The following TRPM3 variants were observed in gnomAD, a reference collection of about 807,000 sequenced individuals.
The protein encoded by TRPM3 is long transient receptor potential channel 3.
Under a neutral mutation model 181.2 loss-of-function variants are expected in TRPM3, and 77 were observed. The ratio of observed to expected loss-of-function variants is 0.42; its 90% CI spans 0.35 to 0.51. TRPM3 has a LOEUF of 0.51. Among genes scored for constraint, TRPM3 ranks in the 20% least tolerant of loss-of-function variants. TRPM3 has a pLI of 0.01. For synonymous variants in TRPM3, 745 were observed against 796.4 expected, an observed-to-expected ratio of 0.94 and a Z score of 1.09; for missense variants, 1,759 against 2,196.7, an observed-to-expected ratio of 0.80 and a Z score of 3.98.
At chr9:71,044,596 CA>C (rs2059208676) in intron 1 of TRPM3, among the ~76,000 whole-genome samples, 2 of 152,204 alleles carry the variant, frequency 1.3e-5, no homozygotes. Flanking sequence ...CCATCTCCTA[CA>C]AAAAGTCCTA....
chr9:71,204,891 G>T (rs1279834551), intron 1 of TRPM3, among the ~76,000 whole-genome samples: 1 of 152,148 alleles, frequency 6.6e-6, no homozygotes, highest in East Asian at 1.9e-4. Context: ...CCATTTAAAA[G>T]GATGAGTTCA....
chr9:71,132,289 C>A (rs758271511), intron 1 of TRPM3, among the ~76,000 whole-genome samples: 6 of 152,168 alleles, frequency 3.9e-5, no homozygotes, highest in Admixed American at 6.5e-5. Context: ...TGCTCCATGG[C>A]CCCTTCCCTC....
intron 1 of TRPM3, among the ~76,000 whole-genome samples, chr9:71,283,953 C>T (rs2085066810): frequency 6.6e-6 from 1 of 152,198 alleles, no homozygotes; most frequent in Admixed American, 6.5e-5. Flanking sequence ...TTCCTACCGC[C>T]AGTGGGTTTC....
intron 9 of TRPM3, among the ~76,000 whole-genome samples, chr9:70,679,451 T>C (rs2064869672): frequency 6.6e-6 from 1 of 152,208 alleles, no homozygotes. Flanking sequence ...CAGTAGAAGA[T>C]ATTATAATGG....
At chr9:71,193,987 A>T (rs2078188061) in intron 1 of TRPM3, among the ~76,000 whole-genome samples, 1 of 152,020 alleles carries the variant, frequency 6.6e-6, no homozygotes, top group African/African-American at 2.4e-5. Context: ...ATGCATACAC[A>T]TATACAAATT....
At chr9:71,035,161 A>G (rs2058038992) in intron 1 of TRPM3, among the ~76,000 whole-genome samples, 1 of 152,170 alleles carries the variant, frequency 6.6e-6, no homozygotes, top group Admixed American at 6.5e-5. Context: ...TTTCGTAATT[A>G]GTAAAAACAT....
At chr9:71,300,194 T>C (rs1182425888) in intron 1 of TRPM3, among the ~76,000 whole-genome samples, 1 of 152,106 alleles carries the variant, frequency 6.6e-6, no homozygotes, top group Non-Finnish European at 1.5e-5. Flanking sequence ...AACAGTAACC[T>C]TATAAACATT....
chr9:70,631,650 T>C (rs1210654168), intron 12 of TRPM3, among the ~76,000 whole-genome samples: 1 of 152,204 alleles, frequency 6.6e-6, no homozygotes, highest in African/African-American at 2.4e-5. Context: ...TATGAGAGCA[T>C]TGGTACATTC....
chr9:71,176,859 G>A (rs1158406774), intron 1 of TRPM3, among the ~76,000 whole-genome samples: 1 of 152,104 alleles, frequency 6.6e-6, no homozygotes, highest in Non-Finnish European at 1.5e-5. Flanking sequence ...ACCCAGTACT[G>A]TAACATGCTA....
At chr9:70,774,415 A>G (rs1479864397) in intron 7 of TRPM3, 1 of 152,194 alleles carries the variant, frequency 6.6e-6, no homozygotes, top group African/African-American at 2.4e-5. Flanking sequence ...TACATGTAAC[A>G]TACAAAATGT....
chr9:70,925,915 A>G (rs2096716506), intron 1 of TRPM3, among the ~76,000 whole-genome samples: 1 of 150,908 alleles, frequency 6.6e-6, no homozygotes, highest in Non-Finnish European at 1.5e-5. Flanking sequence ...TGAAAAGAGC[A>G]TCAGTCCAGA....
chr9:71,092,470 T>C (rs974403472), intron 1 of TRPM3, among the ~76,000 whole-genome samples: 8 of 152,186 alleles, frequency 5.3e-5, no homozygotes, highest in East Asian at 1.9e-4. Flanking sequence ...TTACTAAGCA[T>C]AGATTTTTTT....
intron 1 of TRPM3, among the ~76,000 whole-genome samples, chr9:71,445,548 A>G (rs2094192489): frequency 6.6e-6 from 1 of 152,252 alleles, no homozygotes; most frequent in African/African-American, 2.4e-5. Context: ...AGCAACCAAA[A>G]TAAACACACC....
At chr9:71,214,127 G>A (rs969757762) in intron 1 of TRPM3, among the ~76,000 whole-genome samples, 3 of 152,040 alleles carry the variant, frequency 2.0e-5, no homozygotes, top group Non-Finnish European at 2.9e-5. Context: ...AGTCTTTGTT[G>A]GAGAAAAATG....
intron 1 of TRPM3, among the ~76,000 whole-genome samples, chr9:71,040,068 A>G (rs774233329): frequency 6.6e-6 from 1 of 152,200 alleles, no homozygotes; most frequent in Non-Finnish European, 1.5e-5. Flanking sequence ...TGGGAATGAG[A>G]GTTAGAGTCC....
intron 1 of TRPM3, among the ~76,000 whole-genome samples, chr9:70,958,314 A>G (rs1306697085): frequency 6.8e-6 from 1 of 147,836 alleles, no homozygotes; most frequent in Non-Finnish European, 1.5e-5. Flanking sequence ...AATAATGATT[A>G]TAATAATAAT....
intron 5 of TRPM3, among the ~76,000 whole-genome samples, chr9:70,833,053 A>G (rs996093915): frequency 2.0e-5 from 3 of 152,234 alleles, no homozygotes; most frequent in Non-Finnish European, 4.4e-5. Context: ...TATAAATTAG[A>G]GGACTTGACT....
chr9:71,191,206 G>A lies in TRPM3; in HGVS notation c.183+255447C>T, dbSNP rs143772861. On this transcript the variant is annotated intron_variant, in intron 1 of 24. Transcript: ENST00000357533. ...ACATAAAGCTGTATTGAATGGGTCT[G>A]TAATTTCTGACTTCATCTCTTCTGT... Among the ~76,000 whole-genome samples, 250 of 151,950 alleles carry A rather than the reference G, an allele frequency of 1.6e-3. 1 individual carries two copies. The highest frequency in any genetic ancestry group is 5.9e-3 in the African/African-American group (244 of 41,526).
chr9:71,267,745 G>T (rs1449509617), intron 1 of TRPM3, among the ~76,000 whole-genome samples: 2 of 152,028 alleles, frequency 1.3e-5, no homozygotes, highest in African/African-American at 4.8e-5. Context: ...TTTATTTTAG[G>T]TCACCTAATC....
Sources: allele counts gnomAD v4.1 joint callset (sites outside exome capture counted in the v4.1 genomes callset), GRCh38; gene constraint gnomAD v4.1.1; transcripts MANE v1.5; gene names NCBI Gene and HGNC (gene_info 2026-07-23, HGNC 2026-07-21).